Variants in TBL1XR1 observed in about 807,000 individuals in gnomAD.
TBL1XR1 encodes TBL1X/Y related 1, also known as F-box-like/WD repeat-containing protein TBL1XR1.
A neutral mutation model predicts 66.9 loss-of-function variants in TBL1XR1; 5 were observed. The ratio of observed to expected loss-of-function variants is 0.07; its 90% CI spans 0.04 to 0.16. TBL1XR1 has a LOEUF of 0.16. Among genes scored for constraint, TBL1XR1 ranks in the 10% least tolerant of loss-of-function variants. TBL1XR1 has a pLI of 1.00. For synonymous variants in TBL1XR1, 210 were observed against 206.0 expected (o/e 1.02, Z -0.17); for missense variants, 238 against 623.2 (o/e 0.38, Z 6.58).
chr3:177,092,065 A>G (rs974333797), intron 2 of TBL1XR1, among the ~76,000 whole-genome samples: 22 of 152,218 alleles, frequency 1.4e-4, no homozygotes, highest in Non-Finnish European at 1.0e-4. Flanking sequence ...TGGGACTACA[A>G]GTGTTTCAGA....
chr3:177,164,781 T>C (rs1392504551), intron 1 of TBL1XR1, among the ~76,000 whole-genome samples: 2 of 152,178 alleles, frequency 1.3e-5, no homozygotes, highest in African/African-American at 4.8e-5. Flanking sequence ...GTCAATGAAA[T>C]CTCTATCAAA....
intron 2 of TBL1XR1, among the ~76,000 whole-genome samples, chr3:177,084,326 T>G (rs1721860861): frequency 6.6e-6 from 1 of 152,176 alleles, no homozygotes; most frequent in Admixed American, 6.5e-5. Context: ...TCTTTCCCTT[T>G]CATAACTTCG....
rs1255014091 is a variant in TBL1XR1 at position 177,021,062 on chromosome 3, C to T, written c.*4436G>A. On this transcript the variant is annotated 3_prime_UTR_variant, in exon 16 of 16. Coordinates refer to ENST00000457928, the MANE Select transcript of TBL1XR1 (RefSeq NM_024665.7). ...TGTCATGGGCTGGTTTACACTTTTACAACAGTTTTAAAGTTAACTGGATAA... is the reference window on the plus strand; with the variant it reads ...TGTCATGGGCTGGTTTACACTTTTATAACAGTTTTAAAGTTAACTGGATAA... 1 of 152,070 alleles carries T rather than the reference C, an allele frequency of 6.6e-6. No individual in the cohort carries two copies. The highest frequency in any genetic ancestry group is 2.4e-5 in the African/African-American group (1 of 41,426). The allele number at this position is 152,070 out of a possible 1,614,324, so 9.4% of individuals were successfully genotyped here.
chr3:177,169,980 T>C (rs1920130), intron 1 of TBL1XR1, among the ~76,000 whole-genome samples: 81,484 of 151,536 alleles, frequency 0.54, 22,683 homozygotes, highest in East Asian at 0.75. Flanking sequence ...GAATCAGAAA[T>C]TGGGGGGCAG....
At chr3:177,050,710 C>T (rs966943700) in intron 5 of TBL1XR1, 100 bp from the exon 6 acceptor site, 4 of 1,328,046 alleles carry the variant, frequency 3.0e-6, no homozygotes, top group Non-Finnish European at 4.2e-6. Flanking sequence ...TTATCGCACA[C>T]AGTGTAACAT....
At chr3:177,131,051 G>A (rs1478216603) in intron 1 of TBL1XR1, among the ~76,000 whole-genome samples, 1 of 152,088 alleles carries the variant, frequency 6.6e-6, no homozygotes, top group Non-Finnish European at 1.5e-5. Flanking sequence ...GTAGCACAAT[G>A]GCAACAGAAA....
intron 14 of TBL1XR1, among the ~76,000 whole-genome samples, chr3:177,031,077 A>C (rs1165153425): frequency 1.3e-5 from 2 of 152,180 alleles, no homozygotes; most frequent in African/African-American, 2.4e-5. Context: ...GTGCCATCGC[A>C]CTCCAGCCTG....
At chr3:177,028,221 C>G (rs2108385835) in intron 14 of TBL1XR1, among the ~76,000 whole-genome samples, 1 of 152,116 alleles carries the variant, frequency 6.6e-6, no homozygotes, top group Admixed American at 6.5e-5. Flanking sequence ...AACAAAAAAC[C>G]TGGATGTATA....
intron 1 of TBL1XR1, among the ~76,000 whole-genome samples, chr3:177,131,724 A>G (rs1156437459): frequency 6.6e-6 from 1 of 150,586 alleles, no homozygotes; most frequent in Non-Finnish European, 1.5e-5. Flanking sequence ...CTGGTCTTGA[A>G]CTCCTGGCCT....
intron 1 of TBL1XR1, among the ~76,000 whole-genome samples, chr3:177,122,214 T>C (rs150724222): frequency 2.6e-3 from 398 of 152,022 alleles, no homozygotes; most frequent in Non-Finnish European, 3.2e-3. Flanking sequence ...ATGGAATACA[T>C]TGTTAGGTAC....
chr3:177,091,783 G>T (rs980847934), intron 2 of TBL1XR1, among the ~76,000 whole-genome samples: 2 of 152,144 alleles, frequency 1.3e-5, no homozygotes, highest in Admixed American at 1.3e-4. Context: ...TTGAAAACTG[G>T]TAAATAAAAG....
chr3:177,074,847 A>C (rs780757825), intron 2 of TBL1XR1, among the ~76,000 whole-genome samples: 1 of 152,178 alleles, frequency 6.6e-6, no homozygotes, highest in Non-Finnish European at 1.5e-5. Context: ...TCTTTCTCAA[A>C]CTTGAGTAAT....
chr3:177,070,449 T>C (rs1313944787), intron 2 of TBL1XR1, among the ~76,000 whole-genome samples: 2 of 152,170 alleles, frequency 1.3e-5, no homozygotes, highest in African/African-American at 4.8e-5. Context: ...GATAAGAAGA[T>C]AGGTCATACT....
At chr3:177,183,919 C>A (rs1472984359) in intron 1 of TBL1XR1, among the ~76,000 whole-genome samples, 1 of 151,958 alleles carries the variant, frequency 6.6e-6, no homozygotes, top group Non-Finnish European at 1.5e-5. Context: ...CTCTTCACCA[C>A]AGTAACATAC....
rs185425886 is a variant in TBL1XR1 at position 177,138,701 on chromosome 3, T to C, written c.-121-40160A>G. 3.9e-5 allele frequency among the ~76,000 whole-genome samples: 6 copies of C among 152,062 alleles called. No homozygotes were observed. In the East Asian group the frequency reaches 1.2e-3, roughly 29 times the overall value. ...TACAGCACAAAGATGAAGGCAACAC[T>C]AGACCTCTAATGCTGAAAGAGAAAT... On this transcript the variant is annotated intron_variant, in intron 1 of 15. Transcript: ENST00000457928.
At chr3:177,197,709 G>A (rs1461036087), upstream of TBL1XR1, among the ~76,000 whole-genome samples, 4 of 144,060 alleles carry the variant, frequency 2.8e-5, no homozygotes, top group African/African-American at 9.9e-5. Context: ...CGGCGGCGCG[G>A]CGGGGGGGCT....
chr3:177,127,700 T>C (rs1727810023), intron 1 of TBL1XR1, among the ~76,000 whole-genome samples: 1 of 152,174 alleles, frequency 6.6e-6, no homozygotes, highest in African/African-American at 2.4e-5. Flanking sequence ...CAAGGAAGAA[T>C]TCACTGTCTG....
chr3:177,120,543 T>C (rs1726864961), intron 1 of TBL1XR1: 1 of 152,208 alleles, frequency 6.6e-6, no homozygotes, highest in Non-Finnish European at 1.5e-5. Flanking sequence ...ACTTAAGATT[T>C]TCCAGTGGAT....
At chr3:177,189,928 G>A (rs1484392298) in intron 1 of TBL1XR1, among the ~76,000 whole-genome samples, 1 of 151,764 alleles carries the variant, frequency 6.6e-6, no homozygotes, top group Admixed American at 6.6e-5. Context: ...CTTAACTTAG[G>A]TACACTACTA....
Sources: gnomAD v4.1 joint callset for allele counts (sites outside exome capture counted in the v4.1 genomes callset) on GRCh38, gnomAD v4.1.1 for gene constraint, MANE v1.5 for transcripts, NCBI Gene and HGNC (gene_info 2026-07-23, HGNC 2026-07-21) for gene names.